Variants in MAPK8IP3 observed in about 807,000 individuals in gnomAD.
The protein encoded by MAPK8IP3 is C-Jun-amino-terminal kinase-interacting protein 3.
Under a neutral mutation model 157.8 loss-of-function variants are expected in MAPK8IP3, and 49 were observed. The observed-to-expected ratio is 0.31, with a 90% CI of 0.25 to 0.39. MAPK8IP3 has a LOEUF of 0.39. Among genes scored for constraint, MAPK8IP3 ranks in the 10% least tolerant of loss-of-function variants. MAPK8IP3 has a pLI of 1.00. For missense variants in MAPK8IP3, 1,478 were observed against 1,889.4 expected (o/e 0.78, Z 4.04); for synonymous variants, 897 against 777.7 (o/e 1.15, Z -2.55).
rs1193155338 is a variant in MAPK8IP3 at position 1,763,528 on chromosome 16, G to C, written c.1899-129G>C. 21 of 1,290,494 alleles carry C rather than the reference G, an allele frequency of 1.6e-5. No individual in the cohort carries two copies. The South Asian group carries it at 3.9e-4, about 24-fold the overall frequency. The allele number at this position is 1,290,494 out of a possible 1,614,324, so 79.9% of individuals were successfully genotyped here. A position where few individuals can be genotyped will look rare whatever the true frequency, so the allele number is the denominator to read the frequency against. ...AGCCACCCTTCCCAGCTGGGCACCC[G>C]GTGGCCGGGAAAAGGCGAGGATGGG... On this transcript the variant is annotated intron_variant, in intron 16 of 31. Coordinates refer to ENST00000610761, the MANE Select transcript of MAPK8IP3 (RefSeq NM_001318852.2).
At chr16:1,768,440 A>G (rs1461212682) in intron 30 of MAPK8IP3, 37 bp from the exon 31 acceptor site, 1 of 1,591,528 alleles carries the variant, frequency 6.3e-7, no homozygotes, top group Admixed American at 1.7e-5. Flanking sequence ...CGCCTCCCCC[A>G]GGAGGCCGCT....
In MAPK8IP3 at chr16:1,769,030, G is replaced by T. The variant is rs935307631; in HGVS notation, c.*206G>T. On this transcript the variant is annotated 3_prime_UTR_variant, in exon 32 of 32. Transcript: ENST00000610761. ...GAGGAGGGGAGGGGAACTTCCACCCGAGGGGAAGATGCTCTCGGGACAGTT... is the reference window on the plus strand; with the variant it reads ...GAGGAGGGGAGGGGAACTTCCACCCTAGGGGAAGATGCTCTCGGGACAGTT... 3.3e-6 allele frequency: 2 copies of T among 613,412 alleles called. No homozygotes were observed. The highest frequency in any genetic ancestry group is 1.9e-5 in the African/African-American group (1 of 53,980). 38.0% of individuals were successfully genotyped at this position (613,412 alleles called of 1,614,324 possible).
In MAPK8IP3 at chr16:1,768,041, T is replaced by C. The variant is rs777562436; in HGVS notation, c.3524-28T>C. 6 of 1,612,098 alleles carry C rather than the reference T, an allele frequency of 3.7e-6. No homozygotes were observed. The Admixed American group carries it at 8.3e-5, about 22-fold the overall frequency. ...TGCCCCTACGCTGACCGCTCTCCTC[T>C]TCTCCCATGCTCCTCCCATGTCCCC... On this transcript the variant is annotated intron_variant, in intron 28 of 31. Coordinates refer to ENST00000610761, the MANE Select transcript of MAPK8IP3 (RefSeq NM_001318852.2).
chr16:1,757,078 A>T (rs916474190), intron 8 of MAPK8IP3, among the ~76,000 whole-genome samples: 8 of 152,038 alleles, frequency 5.3e-5, no homozygotes, highest in Non-Finnish European at 8.8e-5. Flanking sequence ...TCCGATAACA[A>T]ACAGCCGTTT....
chr16:1,721,307 C>CAAA (rs59666950), intron 1 of MAPK8IP3, among the ~76,000 whole-genome samples: 4 of 70,646 alleles, frequency 5.7e-5, no homozygotes, highest in African/African-American at 4.4e-5. Context: ...CACTCTATCT[C>CAAA]AAAAAAAAAA....
chr16:1,760,522 G>A lies in MAPK8IP3; in HGVS notation c.1447G>A (p.Glu483Lys), dbSNP rs749765749. Residue 483 changes from glutamate to lysine, a missense_variant, in exon 12 of 32, where the codon GAA (glutamate) becomes AAA (lysine). Coordinates refer to ENST00000610761, the MANE Select transcript of MAPK8IP3 (RefSeq NM_001318852.2). ...AAACCGTATCAAGGAGCTGGAAGAG[G>A]AACTGAAAAGGTGAGGGCAGGGCAT... The part of the protein sequence containing the change: ...LENRIKELEE[E>K]LKRVKSEAII... 2 of 1,612,880 alleles carry A rather than the reference G, an allele frequency of 1.2e-6. No homozygotes were observed. Among genetic ancestry groups the A allele is most frequent in the Non-Finnish European group, 1.7e-6 (2 of 1,179,202 alleles).
intron 2 of MAPK8IP3, among the ~76,000 whole-genome samples, chr16:1,727,978 T>C (rs2141724213): frequency 6.6e-6 from 1 of 152,194 alleles, no homozygotes; most frequent in East Asian, 1.9e-4. Context: ...TGGAGCACCT[T>C]ACCAGCTGAG....
In MAPK8IP3 at chr16:1,758,190, C is replaced by T. The variant is rs1197911167; in HGVS notation, c.1228+31C>T. The T allele has an allele frequency of 4.3e-6, 7 of 1,612,676 alleles. No individual in the cohort carries two copies. In the African/African-American group the frequency reaches 9.3e-5, roughly 22 times the overall value. On this transcript the variant is annotated intron_variant, in intron 9 of 31. Coordinates refer to ENST00000610761, the MANE Select transcript of MAPK8IP3 (RefSeq NM_001318852.2). Reference sequence around the variant, plus strand: ...TATCTCACTCTCCTGTCTGTCTCCCCTCTGTGTGACGGGGGGAGTGGGTGG... The same window carrying T: ...TATCTCACTCTCCTGTCTGTCTCCCTTCTGTGTGACGGGGGGAGTGGGTGG...
At chr16:1,753,926 C>G (rs2041444049) in intron 8 of MAPK8IP3, among the ~76,000 whole-genome samples, 1 of 151,898 alleles carries the variant, frequency 6.6e-6, no homozygotes, top group South Asian at 2.1e-4. Context: ...ATAATCCCAG[C>G]ACTCTGGGAG....
At chr16:1,750,891 G>A (rs2041250963) in intron 8 of MAPK8IP3, among the ~76,000 whole-genome samples, 1 of 152,002 alleles carries the variant, frequency 6.6e-6, no homozygotes, top group African/African-American at 2.4e-5. Flanking sequence ...TGATCCACCC[G>A]CCTCGGCCTC....
chr16:1,744,712 C>T (rs2040863234), intron 5 of MAPK8IP3: 12 of 985,380 alleles, frequency 1.2e-5, no homozygotes, highest in Non-Finnish European at 1.4e-5. Flanking sequence ...CGGGCTGCCT[C>T]TCGCGCCCGC....
At chr16:1,764,586 G>T (rs2042148215) in intron 19 of MAPK8IP3, 127 bp downstream of exon 19, 2 of 1,289,364 alleles carry the variant, frequency 1.6e-6, no homozygotes, top group African/African-American at 1.5e-5. Context: ...CAGCGCAGGG[G>T]CTCCTAGACT....
At chr16:1,715,932 C>T (rs1314750537) in intron 1 of MAPK8IP3, among the ~76,000 whole-genome samples, 1 of 151,886 alleles carries the variant, frequency 6.6e-6, no homozygotes, top group Non-Finnish European at 1.5e-5. Flanking sequence ...TCACCATGTT[C>T]GCTAGGCTGG....
rs546494058 is a variant in MAPK8IP3 at position 1,734,573 on chromosome 16, C to T, written c.602+4995C>T. Among the ~76,000 whole-genome samples the T allele has an allele frequency of 7.2e-5, 11 of 152,350 alleles. No homozygotes were observed. The South Asian group carries it at 1.9e-3, about 26-fold the overall frequency. On this transcript the variant is annotated intron_variant, in intron 4 of 31. Transcript: ENST00000610761. ...TAAAGGAGGAAGGCACGGCCCCCCT[C>T]CCCTGTCCCGAGTGCTTGCCTTTGT...
intron 16 of MAPK8IP3, among the ~76,000 whole-genome samples, chr16:1,763,455 C>T (rs566716077): frequency 1.4e-4 from 22 of 152,350 alleles, no homozygotes; most frequent in South Asian, 6.2e-4. Flanking sequence ...GGGGCATAGC[C>T]GGTGCCAGGA....
rs188900682 is a variant in MAPK8IP3, at chr16:1,747,133, C to T, written c.852C>T (p.Ala284=). The change falls in exon 6 of 32, where the codon GCC becomes GCT. Residue 284 remains alanine (A), a synonymous_variant. Coordinates refer to ENST00000610761, the MANE Select transcript of MAPK8IP3 (RefSeq NM_001318852.2). ...CGCCCACATCCTCCGTGCCCTCGGCCGCCGTCACACCCCTCAACGAGAGCC... is the reference window on the plus strand; with the variant it reads ...CGCCCACATCCTCCGTGCCCTCGGCTGCCGTCACACCCCTCAACGAGAGCC... ...SNTPTSSVPS[A]AVTPLNESLQ... 5.9e-5 allele frequency: 96 copies of T among 1,613,982 alleles called. 1 individual carries two copies. The African/African-American group carries it at 8.7e-4, about 15-fold the overall frequency.
chr16:1,719,171 A>G lies in MAPK8IP3; in HGVS notation c.319-5386A>G, dbSNP rs151113166. ...TTTTGTAGAGGTAAGGTCTTGTTATATTGCCCAGGCTGGGCTCGAACTCTT... is the reference window on the plus strand; with the variant it reads ...TTTTGTAGAGGTAAGGTCTTGTTATGTTGCCCAGGCTGGGCTCGAACTCTT... On this transcript the variant is annotated intron_variant, in intron 1 of 31. Coordinates refer to ENST00000610761, the MANE Select transcript of MAPK8IP3 (RefSeq NM_001318852.2). Among the ~76,000 whole-genome samples the G allele has an allele frequency of 9.3e-3, 1,421 of 152,100 alleles. 11 individuals are homozygous for G. Among genetic ancestry groups the G allele is most frequent in the Middle Eastern group, 0.02 (6 of 294 alleles).
intron 8 of MAPK8IP3, among the ~76,000 whole-genome samples, chr16:1,756,124 G>T (rs889458542): frequency 6.6e-6 from 1 of 152,098 alleles, no homozygotes; most frequent in Non-Finnish European, 1.5e-5. Context: ...GGGAGCAGTC[G>T]GGCAGTCACA....
Position 1,706,782 on chromosome 16 carries a change from AC to A in MAPK8IP3, c.318+130del, listed in dbSNP as rs2037416831. The A allele has an allele frequency of 2.0e-6, 2 of 1,000,396 alleles. No homozygotes were observed. Among genetic ancestry groups the A allele is most frequent in the Non-Finnish European group, 2.7e-6 (2 of 747,198 alleles). 62.0% of individuals were successfully genotyped at this position (1,000,396 alleles called of 1,614,324 possible). A position where few individuals can be genotyped will look rare whatever the true frequency, so the allele number is the denominator to read the frequency against. ...GCACCCCGGACCGCGGGACCCCTGGACCCCCAGACCCCGCCCCGAGACCCGC... is the reference window on the plus strand; with the variant it reads ...GCACCCCGGACCGCGGGACCCCTGGACCCCAGACCCCGCCCCGAGACCCGC... On this transcript the variant is annotated intron_variant, in intron 1 of 31. Coordinates refer to ENST00000610761, the MANE Select transcript of MAPK8IP3 (RefSeq NM_001318852.2). The surrounding 1 kb of genome is among the most constrained non-coding windows in gnomAD (Gnocchi z 5.1).
Sources: gnomAD v4.1 joint callset for allele counts (sites outside exome capture counted in the v4.1 genomes callset) on GRCh38, gnomAD v4.1.1 for gene constraint, Gnocchi (gnomAD v3.1) non-coding constraint, MANE v1.5 for transcripts, NCBI Gene and HGNC (gene_info 2026-07-23, HGNC 2026-07-21) for gene names.